ERC2: variants seen among roughly 807,000 people sequenced by gnomAD.
The protein encoded by ERC2 is ERC protein 2.
ERC2 carries 42 observed loss-of-function variants against 114.8 expected under a neutral mutation model. The observed-to-expected ratio is 0.37, with a 90% CI of 0.29 to 0.47. ERC2 has a LOEUF of 0.47. Among genes scored for constraint, ERC2 ranks in the 20% least tolerant of loss-of-function variants. The pLI is 0.99. For synonymous variants in ERC2, 454 were observed against 425.5 expected, an observed-to-expected ratio of 1.07 and a Z score of -0.82; for missense variants, 939 against 1,150.7, an observed-to-expected ratio of 0.82 and a Z score of 2.66.
intron 2 of ERC2, among the ~76,000 whole-genome samples, chr3:56,343,108 T>A (rs1179895316): frequency 1.3e-5 from 2 of 151,842 alleles, no homozygotes; most frequent in Admixed American, 1.3e-4. Flanking sequence ...ACCAGGTTCA[T>A]TTGGATTTGT....
At chr3:56,304,137 A>G (rs1252095950) in intron 2 of ERC2, among the ~76,000 whole-genome samples, 1 of 152,236 alleles carries the variant, frequency 6.6e-6, no homozygotes, top group Non-Finnish European at 1.5e-5. Context: ...TGAAAAATAA[A>G]GTATTTAAAG....
At chr3:56,276,705 GAGAA>G (rs1399699530) in intron 3 of ERC2, among the ~76,000 whole-genome samples, 1 of 152,188 alleles carries the variant, frequency 6.6e-6, no homozygotes, top group African/African-American at 2.4e-5. Flanking sequence ...AGGAGGATTT[GAGAA>G]AGAACAACGC....
chr3:56,003,130 G>T, intron 10 of ERC2: 1 of 1,288,622 alleles, frequency 7.8e-7, no homozygotes, highest in Non-Finnish European at 1.0e-6. Flanking sequence ...CAACTGCTCA[G>T]CTTGCTACAT....
At chr3:55,636,059 A>G (rs2059947043) in intron 17 of ERC2, among the ~76,000 whole-genome samples, 1 of 151,642 alleles carries the variant, frequency 6.6e-6, no homozygotes, top group Non-Finnish European at 1.5e-5. Context: ...TATCTTTAGT[A>G]GAGGCGGGGT....
chr3:56,100,518 C>T (rs577566008), intron 6 of ERC2, among the ~76,000 whole-genome samples: 4 of 152,280 alleles, frequency 2.6e-5, no homozygotes, highest in African/African-American at 7.2e-5. Context: ...AACAAAACCA[C>T]AAAATTAAAA....
chr3:56,074,961 A>T (rs78863085), intron 7 of ERC2, among the ~76,000 whole-genome samples: 1 of 152,210 alleles, frequency 6.6e-6, no homozygotes, highest in Non-Finnish European at 1.5e-5. Flanking sequence ...ATCAAGGAGC[A>T]TCACATGCCA....
chr3:55,642,956 G>C (rs1227445446), intron 17 of ERC2, among the ~76,000 whole-genome samples: 2 of 152,062 alleles, frequency 1.3e-5, no homozygotes, highest in Non-Finnish European at 2.9e-5. Context: ...ATGAAATCTT[G>C]TTACCACTTT....
intron 17 of ERC2, among the ~76,000 whole-genome samples, chr3:55,634,725 G>A (rs1455500377): frequency 6.6e-6 from 1 of 152,176 alleles, no homozygotes; most frequent in East Asian, 1.9e-4. Flanking sequence ...ACATGGAGAT[G>A]CTGGCAAAAG....
At chr3:56,053,971 C>G (rs1352418581) in intron 7 of ERC2, among the ~76,000 whole-genome samples, 1 of 152,162 alleles carries the variant, frequency 6.6e-6, no homozygotes, top group Admixed American at 6.5e-5. Flanking sequence ...GGTCCACCCC[C>G]ACCCCGAATA....
intron 17 of ERC2, among the ~76,000 whole-genome samples, chr3:55,653,389 TG>T (rs1362601831): frequency 6.6e-6 from 1 of 152,186 alleles, no homozygotes; most frequent in Non-Finnish European, 1.5e-5. Context: ...GCTGGCAATT[TG>T]GAAAGCAATC....
chr3:56,390,018 A>G (rs1413482813), intron 2 of ERC2, among the ~76,000 whole-genome samples: 1 of 152,208 alleles, frequency 6.6e-6, no homozygotes, highest in African/African-American at 2.4e-5. Context: ...CATTTAGTTA[A>G]TAATTCCTTT....
At chr3:56,282,214 A>C (rs2054394843) in intron 3 of ERC2, among the ~76,000 whole-genome samples, 1 of 152,246 alleles carries the variant, frequency 6.6e-6, no homozygotes, top group South Asian at 2.1e-4. Context: ...CTCTTGCAAA[A>C]GTGCAGAACA....
At chr3:55,605,103 T>A (rs1414322383) in intron 17 of ERC2, among the ~76,000 whole-genome samples, 3 of 142,544 alleles carry the variant, frequency 2.1e-5, no homozygotes, top group Non-Finnish European at 3.1e-5. Context: ...AACATGCAAA[T>A]TTTTTTTTTT....
At chr3:56,176,039 C>T (rs1241683957) in intron 3 of ERC2, among the ~76,000 whole-genome samples, 1 of 152,200 alleles carries the variant, frequency 6.6e-6, no homozygotes, top group Non-Finnish European at 1.5e-5. Context: ...CTCAACATTA[C>T]TTCCAAGATT....
At chr3:55,548,108 A>G (rs2054887788) in intron 17 of ERC2, among the ~76,000 whole-genome samples, 1 of 152,200 alleles carries the variant, frequency 6.6e-6, no homozygotes, top group Non-Finnish European at 1.5e-5. Flanking sequence ...TCCTCCAAAT[A>G]AAAATCACAA....
At chr3:56,033,035 AG>A (rs1165552719) in intron 7 of ERC2, among the ~76,000 whole-genome samples, 92 of 60,386 alleles carry the variant, frequency 1.5e-3, no homozygotes, top group East Asian at 9.4e-3. Context: ...AGAAACAGAA[AG>A]AAAGAAAGAA....
rs142936954 is a variant in ERC2, at chr3:55,641,695, C to T, written c.*39+42099G>A. On this transcript the variant is annotated intron_variant, in intron 17 of 17. Coordinates refer to ENST00000288221, the MANE Select transcript of ERC2 (RefSeq NM_015576.3). ...GTATAGGTTCCTATTTCTTGCAGCA[C>T]AGGAACCTTCCCTACTGATGCCTCT... Among the ~76,000 whole-genome samples, 388 of 151,806 alleles carry T rather than the reference C, an allele frequency of 2.6e-3. 3 individuals are homozygous for T. The highest frequency in any genetic ancestry group is 5.4e-3 in the South Asian group (26 of 4,798).
intron 12 of ERC2, among the ~76,000 whole-genome samples, chr3:55,967,221 AT>A (rs1406936023): frequency 6.6e-6 from 1 of 152,238 alleles, no homozygotes. Context: ...CTGTAGCATA[AT>A]TTAGAAATGA....
At chr3:55,675,903 C>CTTCTTTTTTTTTTTTTT (rs2061775842) in intron 17 of ERC2, among the ~76,000 whole-genome samples, 1 of 47,994 alleles carries the variant, frequency 2.1e-5, no homozygotes, top group Non-Finnish European at 3.5e-5. Flanking sequence ...TCTTTTCTTT[C>CTTCTTTTTTTTTTTTTT]TTTTTTTTTT....
Sources: allele counts gnomAD v4.1 joint callset (sites outside exome capture counted in the v4.1 genomes callset), GRCh38; gene constraint gnomAD v4.1.1; transcripts MANE v1.5; gene names NCBI Gene and HGNC (gene_info 2026-07-23, HGNC 2026-07-21).